PCLO: variants seen among roughly 807,000 people sequenced by gnomAD.
PCLO encodes the protein protein piccolo.
Under a neutral mutation model 427.5 loss-of-function variants are expected in PCLO, and 82 were observed. That is an observed-to-expected ratio of 0.19 (90% confidence interval 0.16 to 0.23). PCLO has a LOEUF of 0.23. PCLO is among the 10% of genes least tolerant of loss of function. PCLO has a pLI of 1.00. For missense variants in PCLO, 6,239 were observed against 6,115.9 expected (o/e 1.02, Z -0.67); for synonymous variants, 2,357 against 2,155.4 (o/e 1.09, Z -2.59).
At chr7:82,948,910 T>C (rs1263024271) in intron 6 of PCLO, among the ~76,000 whole-genome samples, 2 of 152,320 alleles carry the variant, frequency 1.3e-5, no homozygotes, top group East Asian at 3.9e-4. Flanking sequence ...TTTATCTGCC[T>C]GCCTCAGAAA....
chr7:82,915,288 C>G lies in PCLO; in HGVS notation c.12698G>C (p.Arg4233Thr), dbSNP rs1239757423. 2 of 1,613,454 alleles carry G rather than the reference C, an allele frequency of 1.2e-6. No individual in the cohort carries two copies. Among genetic ancestry groups the G allele is most frequent in the African/African-American group, 2.7e-5 (2 of 74,878 alleles). ...GATGTCATCTTGAAGGAGCCTTGCCCTGGAGGAAATGCCACCAATAGATGA... is the reference window on the plus strand; with the variant it reads ...GATGTCATCTTGAAGGAGCCTTGCCGTGGAGGAAATGCCACCAATAGATGA... ...STSSIGGISSRARLLQDDITF... is the reference protein window; with the variant it reads ...STSSIGGISSTARLLQDDITF... The change falls in exon 7 of 25, where the codon AGG becomes ACG. Residue 4233 changes from arginine (R) to threonine (T), a missense_variant. Around this residue, in one of 5 missense-constraint regions of PCLO, gnomAD observed 680 missense variants for 677.3 expected, o/e 1.00. Coordinates refer to ENST00000333891, the MANE Select transcript of PCLO (RefSeq NM_033026.6).
At chr7:83,013,785 C>G (rs528935561) in intron 3 of PCLO, among the ~76,000 whole-genome samples, 7 of 152,168 alleles carry the variant, frequency 4.6e-5, no homozygotes, top group African/African-American at 1.7e-4. Context: ...TGTGAATAAA[C>G]AAAATTGCAA....
intron 1 of PCLO, among the ~76,000 whole-genome samples, chr7:83,158,140 T>C (rs1315924566): frequency 2.6e-5 from 4 of 152,012 alleles, no homozygotes; most frequent in African/African-American, 9.7e-5. Flanking sequence ...AATAAGTAGA[T>C]TCTGAATTTT....
chr7:82,876,794 C>T (rs1793384082), intron 10 of PCLO, among the ~76,000 whole-genome samples: 1 of 151,922 alleles, frequency 6.6e-6, no homozygotes, highest in South Asian at 2.1e-4. Context: ...TATTAAAGAG[C>T]TATGTTGTAA....
At chr7:83,110,435 C>G (rs1182643796) in intron 3 of PCLO, among the ~76,000 whole-genome samples, 1 of 151,900 alleles carries the variant, frequency 6.6e-6, no homozygotes, top group African/African-American at 2.4e-5. Flanking sequence ...TCAAAATGCC[C>G]TCTCCTAGTT....
intron 2 of PCLO, among the ~76,000 whole-genome samples, chr7:83,141,537 G>A (rs1791861486): frequency 6.6e-6 from 1 of 152,274 alleles, no homozygotes; most frequent in African/African-American, 2.4e-5. Context: ...ATATAAATGG[G>A]GGTAAGAAGA....
At chr7:82,880,869 A>T (rs2116053381) in intron 9 of PCLO, among the ~76,000 whole-genome samples, 1 of 152,342 alleles carries the variant, frequency 6.6e-6, no homozygotes, top group Non-Finnish European at 1.5e-5. Context: ...AAAACAAGAA[A>T]ATCCTTTGGC....
intron 3 of PCLO, among the ~76,000 whole-genome samples, chr7:83,010,558 T>G (rs1436361527): frequency 6.6e-6 from 1 of 150,554 alleles, no homozygotes; most frequent in Non-Finnish European, 1.5e-5. Flanking sequence ...TACAAATAAT[T>G]GTATATATGT....
intron 3 of PCLO, among the ~76,000 whole-genome samples, chr7:83,028,536 G>C (rs1306682461): frequency 8.3e-6 from 1 of 121,182 alleles, no homozygotes; most frequent in African/African-American, 3.0e-5. Flanking sequence ...TACTGCCCAA[G>C]GTAATTTACA....
At chr7:82,947,390 T>C (rs918696008) in intron 6 of PCLO, among the ~76,000 whole-genome samples, 1 of 151,710 alleles carries the variant, frequency 6.6e-6, no homozygotes, top group East Asian at 1.9e-4. Context: ...CACATCACTA[T>C]GAATATCCCT....
chr7:82,885,948 C>A (rs1793618051), intron 9 of PCLO, among the ~76,000 whole-genome samples: 1 of 152,072 alleles, frequency 6.6e-6, no homozygotes, highest in East Asian at 1.9e-4. Context: ...CTGGTTTATG[C>A]CAGTTCACTG....
rs1387543897 is a variant in PCLO at position 82,915,924 on chromosome 7, A to G, written c.12062T>C (p.Met4021Thr). The change falls in exon 7 of 25, where the codon ATG (methionine) becomes ACG (threonine). Residue 4021 changes from methionine to threonine, a missense_variant. Physicochemically the swap from Met to Thr is moderately conservative, Grantham distance 81 (BLOSUM62 -1). This residue lies in a region of PCLO where 680 missense variants were observed against 677.3 expected (regional missense o/e 1.00). Coordinates refer to ENST00000333891, the MANE Select transcript of PCLO (RefSeq NM_033026.6). The stretch of plus-strand genomic sequence containing the variant: ...TATGCTTGATATTGGACTGCTTGCC[A>G]TGCTACTTCTTTCCTCCAAACCTAT... Reference protein sequence around the residue: ...LRIGLEERSSMASSPISSISA... With the variant: ...LRIGLEERSSTASSPISSISA... 6.2e-7 allele frequency: 1 copy of G among 1,613,324 alleles called. No homozygotes were observed. The highest frequency in any genetic ancestry group is 2.2e-5 in the East Asian group (1 of 44,832).
rs372002102 is a variant in PCLO, at chr7:82,951,205, G to C, written c.9383C>G (p.Thr3128Ser). ...LSGIHTADAV[T>S]SLPAMHHSQP... Reference sequence around the variant, plus strand: ...GCTATGGTGCATGGCAGGTAATGAAGTCACTGCATCAGCCGTATGAATACC... The same window carrying C: ...GCTATGGTGCATGGCAGGTAATGAACTCACTGCATCAGCCGTATGAATACC... The change falls in exon 6 of 25, where the codon ACT becomes AGT. Residue 3128 changes from threonine (T) to serine (S), a missense_variant. Transcript: ENST00000333891. 6.2e-7 allele frequency: 1 copy of C among 1,613,546 alleles called. No individual in the cohort carries two copies. Among genetic ancestry groups the C allele is most frequent in the African/African-American group, 1.3e-5 (1 of 74,914 alleles).
At chr7:83,010,674 C>T (rs966849925) in intron 3 of PCLO, among the ~76,000 whole-genome samples, 2 of 151,326 alleles carry the variant, frequency 1.3e-5, no homozygotes, top group Non-Finnish European at 3.0e-5. Context: ...AACTTTTCTC[C>T]CTCCCTCCAG....
intron 3 of PCLO, among the ~76,000 whole-genome samples, chr7:82,972,555 G>T (rs762724840): frequency 3.3e-5 from 5 of 152,036 alleles, no homozygotes; most frequent in South Asian, 2.1e-4. Flanking sequence ...TCATATTTGT[G>T]TTGGAGAAAT....
At chr7:82,821,045 TA>T in intron 20 of PCLO, 1 of 1,187,116 alleles carries the variant, frequency 8.4e-7, no homozygotes, top group East Asian at 3.6e-5. Flanking sequence ...CTCTAAAAAT[TA>T]AAGATGAGAG....
At chr7:83,086,654 A>AC (rs1484051219) in intron 3 of PCLO, among the ~76,000 whole-genome samples, 1 of 152,166 alleles carries the variant, frequency 6.6e-6, no homozygotes, top group African/African-American at 2.4e-5. Flanking sequence ...GGATGCTGGC[A>AC]CAACCTTGAC....
intron 3 of PCLO, among the ~76,000 whole-genome samples, chr7:83,085,971 A>G (rs1047210107): frequency 6.6e-6 from 1 of 152,180 alleles, no homozygotes; most frequent in Admixed American, 6.5e-5. Context: ...ACATAAATAC[A>G]TTTGCCAAAT....
chr7:82,835,478 A>G (rs1311240518), intron 16 of PCLO, among the ~76,000 whole-genome samples, 189 bp downstream of exon 16: 1 of 152,148 alleles, frequency 6.6e-6, no homozygotes, highest in Admixed American at 6.6e-5. Context: ...TCTATTGCAC[A>G]CATCTGCTAA....
Sources: allele counts gnomAD v4.1 joint callset (sites outside exome capture counted in the v4.1 genomes callset), GRCh38; gene constraint gnomAD v4.1.1; regional missense constraint gnomAD v4.1.1; transcripts MANE v1.5; gene names NCBI Gene and HGNC (gene_info 2026-07-23, HGNC 2026-07-21).